MLLT10: variants seen among roughly 807,000 people sequenced by gnomAD.
MLLT10 encodes protein AF-10.
A neutral mutation model predicts 129.1 loss-of-function variants in MLLT10; 30 were observed. The observed-to-expected ratio is 0.23, with a 90% CI of 0.17 to 0.32. MLLT10 has a LOEUF of 0.32. Ranked by LOEUF, MLLT10 falls within the 10% of genes least tolerant of loss-of-function variation. MLLT10 has a pLI of 1.00. For synonymous variants in MLLT10, 490 were observed against 446.4 expected, an observed-to-expected ratio of 1.10 and a Z score of -1.23; for missense variants, 1,119 against 1,268.3, an observed-to-expected ratio of 0.88 and a Z score of 1.79.
chr10:21,670,422 C>T lies in MLLT10; in HGVS notation c.796-27C>T, dbSNP rs1241423975. On this transcript the variant is annotated intron_variant, in intron 9 of 22. Coordinates refer to ENST00000307729, the MANE Select transcript of MLLT10 (RefSeq NM_001195626.3). ...AACTAAAATGTAATCAACTCTTTTT[C>T]CTTCCCTTTTTGAATCAAAATGTTA... 7.0e-6 allele frequency: 11 copies of T among 1,574,518 alleles called. No homozygotes were observed. In the Admixed American group the frequency reaches 9.6e-5, roughly 14 times the overall value.
intron 12 of MLLT10, 79 bp from the exon 13 acceptor site, chr10:21,682,146 A>C: frequency 1.7e-6 from 2 of 1,150,914 alleles, no homozygotes; most frequent in Non-Finnish European, 2.5e-6. Flanking sequence ...TATTATACTA[A>C]TTCAGTGTAT....
intron 11 of MLLT10, among the ~76,000 whole-genome samples, chr10:21,680,393 A>T (rs1271479807): frequency 6.6e-6 from 1 of 151,408 alleles, no homozygotes. Context: ...TTTAGTAGAG[A>T]CGGGGTTTCG....
chr10:21,650,016 G>T (rs1366900158), intron 8 of MLLT10, among the ~76,000 whole-genome samples: 4 of 152,088 alleles, frequency 2.6e-5, no homozygotes, highest in Non-Finnish European at 5.9e-5. Context: ...TGGGTGGGAA[G>T]ATAGCCGAGA....
chr10:21,597,566 C>T (rs2043137521), intron 5 of MLLT10, among the ~76,000 whole-genome samples: 1 of 152,084 alleles, frequency 6.6e-6, no homozygotes, highest in South Asian at 2.1e-4. Flanking sequence ...AAGACAGGCT[C>T]TTGCCATGTT....
intron 13 of MLLT10, among the ~76,000 whole-genome samples, chr10:21,712,082 T>C (rs76728533): frequency 0.012 from 1,835 of 152,268 alleles, 34 homozygotes; most frequent in African/African-American, 0.041. Flanking sequence ...ATTGTAGATA[T>C]AAAAAAGATC....
chr10:21,534,341 C>T lies in MLLT10; in HGVS notation c.-180C>T, dbSNP rs1249455104. On this transcript the variant is annotated 5_prime_UTR_variant, in exon 1 of 23. Coordinates refer to ENST00000307729, the MANE Select transcript of MLLT10 (RefSeq NM_001195626.3). ...CCCCCAGTGCGCCTGTGCGGAGGCC[C>T]TCTTGATTATGTGTGCCCTCTCCGG... The T allele has an allele frequency of 5.3e-5, 19 of 359,824 alleles. No homozygotes were observed. The highest frequency in any genetic ancestry group is 9.2e-5 in the Non-Finnish European group (18 of 196,234). 22.3% of individuals were successfully genotyped at this position (359,824 alleles called of 1,614,324 possible). A position where few individuals can be genotyped will look rare whatever the true frequency, so the allele number is the denominator to read the frequency against.
At chr10:21,682,588 T>C (rs907402011) in intron 13 of MLLT10, among the ~76,000 whole-genome samples, 15 of 152,204 alleles carry the variant, frequency 9.9e-5, no homozygotes, top group Non-Finnish European at 1.6e-4. Context: ...TATTGGTACC[T>C]AGGGGAAGAA....
chr10:21,679,895 A>G (rs1264163874), intron 11 of MLLT10, among the ~76,000 whole-genome samples: 1 of 152,182 alleles, frequency 6.6e-6, no homozygotes, highest in African/African-American at 2.4e-5. Flanking sequence ...TTGGTTAAAT[A>G]ATATCCAAGG....
In MLLT10 at chr10:21,614,930, A is replaced by G; in HGVS notation, c.603+6A>G. The G allele has an allele frequency of 6.3e-7, 1 of 1,589,446 alleles. No homozygotes were observed. Among genetic ancestry groups the G allele is most frequent in the Non-Finnish European group, 8.6e-7 (1 of 1,166,182 alleles). On this transcript the variant is annotated splice_donor_region_variant and intron_variant, in intron 7 of 22. Transcript: ENST00000307729. ...AATACCATTTTAGTAAGCTGGTAAG[A>G]ATTTCTCTTGGATTTAATGAAATGA...
intron 8 of MLLT10, among the ~76,000 whole-genome samples, chr10:21,648,167 A>C (rs373825771): frequency 5.3e-4 from 80 of 152,216 alleles, no homozygotes; most frequent in African/African-American, 1.7e-3. Flanking sequence ...TCCCTTTCTT[A>C]ATCTGTTTAA....
intron 3 of MLLT10, among the ~76,000 whole-genome samples, chr10:21,564,073 A>T (rs1363103369): frequency 1.3e-5 from 2 of 151,970 alleles, no homozygotes; most frequent in African/African-American, 4.8e-5. Flanking sequence ...TGGCCTCCCA[A>T]AGTGCCGGGA....
At chr10:21,578,642 T>G (rs1277212582) in intron 3 of MLLT10, among the ~76,000 whole-genome samples, 1 of 152,314 alleles carries the variant, frequency 6.6e-6, no homozygotes, top group Non-Finnish European at 1.5e-5. Flanking sequence ...AAGTATAGTA[T>G]CAGGAAGGGT....
Position 21,673,524 on chromosome 10 carries a change from G to C in MLLT10, c.1226G>C (p.Gly409Ala), listed in dbSNP as rs150803413. The C allele has an allele frequency of 5.5e-4, 886 of 1,613,656 alleles. 2 individuals are homozygous for C. The highest frequency in any genetic ancestry group is 1.9e-3 in the Admixed American group (114 of 59,904). Residue 409 changes from glycine (G) to alanine (A), a missense_variant, in exon 11 of 23, where the codon GGG (glycine) becomes GCG (alanine). Gly to Ala is a moderately conservative substitution (Grantham distance 60). This residue lies in a region of MLLT10 where 1,004 missense variants were observed against 1,008.7 expected (regional missense o/e 1.00). Transcript: ENST00000307729. ...AAAGGAGAGTCTGGAAGCCAGGAAGGGGGGGTAAATAGTTTTAGTACCTTA... is the reference window on the plus strand; with the variant it reads ...AAAGGAGAGTCTGGAAGCCAGGAAGCGGGGGTAAATAGTTTTAGTACCTTA... Reference protein sequence around the residue: ...VHKGESGSQEGGVNSFSTLIG... With the variant: ...VHKGESGSQEAGVNSFSTLIG...
intron 3 of MLLT10, among the ~76,000 whole-genome samples, chr10:21,552,470 CA>C (rs1417213739): frequency 6.7e-6 from 1 of 148,300 alleles, no homozygotes; most frequent in Non-Finnish European, 1.5e-5. Context: ...CAGCTCACTG[CA>C]ACCTTCACCT....
At chr10:21,632,161 G>A (rs950585122) in intron 8 of MLLT10, among the ~76,000 whole-genome samples, 1 of 152,096 alleles carries the variant, frequency 6.6e-6, no homozygotes, top group Non-Finnish European at 1.5e-5. Flanking sequence ...TTGAAATTTA[G>A]CTTGAATTCA....
At chr10:21,671,867 T>G (rs1295872393) in intron 10 of MLLT10, among the ~76,000 whole-genome samples, 1 of 152,052 alleles carries the variant, frequency 6.6e-6, no homozygotes, top group Non-Finnish European at 1.5e-5. Context: ...GTGCGAGGAT[T>G]GCTTGACCCA....
At chr10:21,700,339 G>C (rs72802923) in intron 13 of MLLT10, among the ~76,000 whole-genome samples, 6,855 of 152,172 alleles carry the variant, frequency 0.045, 232 homozygotes, top group Middle Eastern at 0.14. Flanking sequence ...CCGTATGGAA[G>C]TCAACTTGGA....
intron 5 of MLLT10, among the ~76,000 whole-genome samples, chr10:21,596,760 ATAT>A (rs2043050743): frequency 6.6e-6 from 1 of 151,776 alleles, no homozygotes; most frequent in African/African-American, 2.4e-5. Context: ...GTTTATTTTA[ATAT>A]TATAATTTTT....
intron 8 of MLLT10, among the ~76,000 whole-genome samples, chr10:21,626,543 G>A (rs139490477): frequency 5.9e-5 from 9 of 152,182 alleles, no homozygotes; most frequent in East Asian, 1.9e-4. Context: ...TAGTAGTCCC[G>A]TAACCCAAAC....
Sources: allele counts gnomAD v4.1 joint callset (sites outside exome capture counted in the v4.1 genomes callset), GRCh38; gene constraint gnomAD v4.1.1; regional missense constraint gnomAD v4.1.1; transcripts MANE v1.5; gene names NCBI Gene and HGNC (gene_info 2026-07-23, HGNC 2026-07-21).